Variants in NR6A1 observed in about 807,000 individuals in gnomAD.
The protein encoded by NR6A1 is nuclear receptor subfamily 6 group A member 1.
A neutral mutation model predicts 59.1 loss-of-function variants in NR6A1; 7 were observed. That is an observed-to-expected ratio of 0.12 (90% CI 0.07 to 0.22). The LOEUF is 0.22. Ranked by LOEUF, NR6A1 falls within the 10% of genes least tolerant of loss-of-function variation. The pLI, the probability that NR6A1 is intolerant of heterozygous loss-of-function variation, is 1.00. For synonymous variants in NR6A1, 243 were observed against 236.1 expected, an observed-to-expected ratio of 1.03 and a Z score of -0.27; for missense variants, 468 against 611.6, an observed-to-expected ratio of 0.77 and a Z score of 2.48.
At chr9:124,566,964 C>T (rs998416921) in intron 2 of NR6A1, among the ~76,000 whole-genome samples, 22 of 151,524 alleles carry the variant, frequency 1.5e-4, no homozygotes, top group Non-Finnish European at 2.7e-4. Flanking sequence ...AAAAATTAGC[C>T]GGGCGTAGTG....
chr9:124,551,724 C>T (rs897928871), intron 3 of NR6A1, among the ~76,000 whole-genome samples: 2 of 152,174 alleles, frequency 1.3e-5, no homozygotes, highest in East Asian at 3.8e-4. Context: ...CTTTAACCCC[C>T]AAAACATCCT....
chr9:124,694,917 T>C (rs80353709), intron 2 of NR6A1, among the ~76,000 whole-genome samples: 2,717 of 152,024 alleles, frequency 0.018, 82 homozygotes, highest in African/African-American at 0.062. Context: ...TCAGAGAAAA[T>C]ATCAGGTTCA....
chr9:124,607,655 A>G (rs1835612365), intron 2 of NR6A1, among the ~76,000 whole-genome samples: 1 of 152,190 alleles, frequency 6.6e-6, no homozygotes, highest in Non-Finnish European at 1.5e-5. Flanking sequence ...TGAGAACTGA[A>G]AGAGATAATC....
intron 2 of NR6A1, among the ~76,000 whole-genome samples, chr9:124,682,362 C>A (rs1217752942): frequency 6.6e-6 from 1 of 152,130 alleles, no homozygotes; most frequent in Non-Finnish European, 1.5e-5. Context: ...GAAGAATATG[C>A]AAAATTGTCT....
At chr9:124,554,684 G>T in intron 2 of NR6A1, 114 bp from the exon 3 acceptor site, 1 of 1,329,444 alleles carries the variant, frequency 7.5e-7, no homozygotes, top group African/African-American at 1.4e-5. Flanking sequence ...CAGGCTAAAG[G>T]GCAAACAGGG....
At chr9:124,542,763 GC>G (rs1833488508) in intron 4 of NR6A1, among the ~76,000 whole-genome samples, 4 of 151,910 alleles carry the variant, frequency 2.6e-5, no homozygotes, top group Admixed American at 2.6e-4. Context: ...TTGCTATGTC[GC>G]CCAGGCTCGT....
At chr9:124,615,429 C>T (rs548916780) in intron 2 of NR6A1, among the ~76,000 whole-genome samples, 1 of 152,130 alleles carries the variant, frequency 6.6e-6, no homozygotes, top group Admixed American at 6.5e-5. Flanking sequence ...CCATATAGCA[C>T]CTTTAAAATC....
At chr9:124,699,713 T>TG (rs1447152713) in intron 2 of NR6A1, among the ~76,000 whole-genome samples, 1 of 152,244 alleles carries the variant, frequency 6.6e-6, no homozygotes, top group Non-Finnish European at 1.5e-5. Flanking sequence ...TTTATAGACT[T>TG]GTGCAAGCAT....
At chr9:124,630,103 A>G (rs1467565166) in intron 2 of NR6A1, among the ~76,000 whole-genome samples, 4 of 152,176 alleles carry the variant, frequency 2.6e-5, no homozygotes, top group African/African-American at 9.7e-5. Flanking sequence ...CTACAAATAC[A>G]GAGCTATATG....
chr9:124,557,530 C>T (rs553325143), intron 2 of NR6A1, among the ~76,000 whole-genome samples: 7 of 152,292 alleles, frequency 4.6e-5, no homozygotes, highest in South Asian at 4.1e-4. Context: ...AAAAAAGATA[C>T]CCTATAAAAA....
intron 2 of NR6A1, among the ~76,000 whole-genome samples, chr9:124,665,301 T>C (rs1430602828): frequency 6.6e-6 from 1 of 152,114 alleles, no homozygotes; most frequent in African/African-American, 2.4e-5. Flanking sequence ...ACTAACATAA[T>C]TCATAAAATA....
intron 2 of NR6A1, among the ~76,000 whole-genome samples, chr9:124,687,714 GA>G (rs1336151699): frequency 6.6e-6 from 1 of 152,120 alleles, no homozygotes; most frequent in East Asian, 1.9e-4. Flanking sequence ...CTTAAAACCA[GA>G]ATTAGTAGTC....
At chr9:124,546,139 C>T (rs1266462028) in intron 3 of NR6A1, among the ~76,000 whole-genome samples, 1 of 152,162 alleles carries the variant, frequency 6.6e-6, no homozygotes, top group Admixed American at 6.5e-5. Context: ...TCTTCTTCCT[C>T]GACCCCACCC....
chr9:124,564,334 T>C (rs1489189345), intron 2 of NR6A1, among the ~76,000 whole-genome samples: 1 of 152,212 alleles, frequency 6.6e-6, no homozygotes, highest in Non-Finnish European at 1.5e-5. Flanking sequence ...CTATGATCAG[T>C]ACTCTACCTT....
At chr9:124,548,307 A>G (rs1014329186) in intron 3 of NR6A1, among the ~76,000 whole-genome samples, 1 of 150,386 alleles carries the variant, frequency 6.6e-6, no homozygotes, top group Non-Finnish European at 1.5e-5. Context: ...ACAAAATTTT[A>G]AAGTCTTAAT....
chr9:124,586,898 A>T (rs993525964), intron 2 of NR6A1, among the ~76,000 whole-genome samples: 1 of 152,262 alleles, frequency 6.6e-6, no homozygotes, highest in African/African-American at 2.4e-5. Context: ...ATAAAGCAGC[A>T]GCAGGGTTTG....
intron 2 of NR6A1, among the ~76,000 whole-genome samples, chr9:124,607,985 T>C (rs1005051121): frequency 2.0e-5 from 3 of 152,108 alleles, no homozygotes; most frequent in South Asian, 2.1e-4. Flanking sequence ...AGCATGAGGA[T>C]TGCTTGAGCC....
intron 3 of NR6A1, among the ~76,000 whole-genome samples, chr9:124,544,358 A>G (rs926705347): frequency 6.6e-6 from 1 of 152,242 alleles, no homozygotes; most frequent in Non-Finnish European, 1.5e-5. Flanking sequence ...GCACCTGTGT[A>G]GTCGAAGGAA....
chr9:124,770,566 G>A (rs992886594), intron 1 of NR6A1, among the ~76,000 whole-genome samples: 7 of 149,926 alleles, frequency 4.7e-5, no homozygotes, highest in Non-Finnish European at 1.0e-4. Flanking sequence ...TGCGTTAAGG[G>A]AACCCGAGTG....
Sources: allele counts gnomAD v4.1 joint callset (sites outside exome capture counted in the v4.1 genomes callset), GRCh38; gene constraint gnomAD v4.1.1; transcripts MANE v1.5; gene names NCBI Gene and HGNC (gene_info 2026-07-23, HGNC 2026-07-21).